Variants in PTGS1 observed in about 807,000 individuals in gnomAD.
The protein encoded by PTGS1 is prostaglandin G/H synthase 1.
Under a neutral mutation model 63.0 loss-of-function variants are expected in PTGS1, and 40 were observed. The ratio of observed to expected loss-of-function variants is 0.63; its 90% CI spans 0.49 to 0.83. The LOEUF is 0.83. Ranked by LOEUF, PTGS1 falls within the 40% of genes least tolerant of loss-of-function variation. The pLI, the probability that PTGS1 is intolerant of heterozygous loss-of-function variation, is 0.00. For missense variants in PTGS1, 709 were observed against 786.5 expected (o/e 0.90, Z 1.18); for synonymous variants, 298 against 301.9 (o/e 0.99, Z 0.13).
chr9:122,382,496 T>C (rs755293266), intron 7 of PTGS1, among the ~76,000 whole-genome samples: 5 of 152,254 alleles, frequency 3.3e-5, no homozygotes, highest in Non-Finnish European at 7.3e-5. Context: ...ATGTCCGACT[T>C]GTTCCACGCA....
Position 122,381,766 on chromosome 9 carries a change from G to A in PTGS1, c.762+19G>A. On this transcript the variant is annotated intron_variant, in intron 7 of 10. Transcript: ENST00000362012. The stretch of plus-strand genomic sequence containing the variant: ...GTACCAGGTAGTGCTGGGCCAGGGG[G>A]TAGGGCAGAGGGAGGGGTCTCCCAT... 2 of 1,605,504 alleles carry A rather than the reference G, an allele frequency of 1.2e-6. No individual in the cohort carries two copies. Among genetic ancestry groups the A allele is most frequent in the South Asian group, 2.2e-5 (2 of 90,590 alleles).
intron 5 of PTGS1, 76 bp from the exon 6 acceptor site, chr9:122,381,295 C>T (rs1348974745): frequency 1.4e-5 from 21 of 1,490,142 alleles, no homozygotes; most frequent in Non-Finnish European, 1.8e-5. Flanking sequence ...GCCAGTTTGC[C>T]TGGTGAGCCC....
intron 9 of PTGS1, among the ~76,000 whole-genome samples, chr9:122,387,368 G>A (rs1837935194): frequency 6.6e-6 from 1 of 152,134 alleles, no homozygotes; most frequent in Admixed American, 6.6e-5. Flanking sequence ...CCCGCCTATG[G>A]TGTTTATTAA....
At chr9:122,380,730 A>G (rs1350178630) in intron 5 of PTGS1, among the ~76,000 whole-genome samples, 1 of 152,204 alleles carries the variant, frequency 6.6e-6, no homozygotes, top group African/African-American at 2.4e-5. Flanking sequence ...TTGCTGACCT[A>G]TGATTTAAAA....
In PTGS1 at chr9:122,371,292, C is replaced by A; in HGVS notation, c.94+20C>A. The A allele has an allele frequency of 6.2e-7, 1 of 1,601,860 alleles. No homozygotes were observed. Among genetic ancestry groups the A allele is most frequent in the Admixed American group, 1.7e-5 (1 of 60,010 alleles). On this transcript the variant is annotated intron_variant, in intron 2 of 10. Transcript: ENST00000362012. ...CGCCAGGTAGGCGGCCCCATCCCTC[C>A]CCAAGGGAATCCCCGGTCTTGCGCC...
chr9:122,376,734 G>A (rs1312321651), intron 2 of PTGS1, among the ~76,000 whole-genome samples: 1 of 152,180 alleles, frequency 6.6e-6, no homozygotes. Context: ...CCTGCCAGGC[G>A]CTAGGAGTTT....
At chr9:122,386,417 G>T in intron 8 of PTGS1, 29 bp from the exon 9 acceptor site, 1 of 1,609,422 alleles carries the variant, frequency 6.2e-7, no homozygotes, top group South Asian at 1.1e-5. Flanking sequence ...GTGCTTGGCT[G>T]ACCCTATTTC....
intron 5 of PTGS1, among the ~76,000 whole-genome samples, chr9:122,380,545 G>A (rs190533159): frequency 4.3e-4 from 65 of 152,032 alleles, no homozygotes; most frequent in Admixed American, 7.9e-4. Context: ...GCCAAATTCG[G>A]CCCACCTCTC....
intron 8 of PTGS1, among the ~76,000 whole-genome samples, 176 bp from the exon 9 acceptor site, chr9:122,386,270 T>G (rs1251520021): frequency 6.6e-6 from 1 of 152,008 alleles, no homozygotes; most frequent in Non-Finnish European, 1.5e-5. Flanking sequence ...ACCATTGCGC[T>G]CCAGCTTGGG....
Position 122,371,189 on chromosome 9 carries a change from G to A in PTGS1, c.11G>A (p.Ser4Asn), listed in dbSNP as rs759503469. The change falls in exon 2 of 11, where the codon AGT (serine) becomes AAT (asparagine). Residue 4 changes from serine to asparagine, a missense_variant. Coordinates refer to ENST00000362012, the MANE Select transcript of PTGS1 (RefSeq NM_000962.4). The stretch of plus-strand genomic sequence containing the variant: ...CCCTCATCTCTCTCCTCTGCAGGGA[G>A]TCTCTTGCTCTGGTTCTTGCTGTTC... MSR[S>N]LLLWFLLFLL... 2 of 1,609,122 alleles carry A rather than the reference G, an allele frequency of 1.2e-6. No homozygotes were observed. Among genetic ancestry groups the A allele is most frequent in the African/African-American group, 1.3e-5 (1 of 74,946 alleles).
At chr9:122,378,617 C>T in intron 4 of PTGS1, 44 bp downstream of exon 4, 1 of 1,613,068 alleles carries the variant, frequency 6.2e-7, no homozygotes, top group Non-Finnish European at 8.5e-7. Flanking sequence ...AGCAAGCAAG[C>T]CTGCTAGTCC....
At chr9:122,375,030 G>C (rs1483177551) in intron 2 of PTGS1, among the ~76,000 whole-genome samples, 1 of 152,148 alleles carries the variant, frequency 6.6e-6, no homozygotes, top group Non-Finnish European at 1.5e-5. Context: ...GGACTTGGTC[G>C]GCTGGAGCCC....
At chr9:122,379,648 G>A (rs1242268533) in intron 5 of PTGS1, among the ~76,000 whole-genome samples, 1 of 152,196 alleles carries the variant, frequency 6.6e-6, no homozygotes, top group Admixed American at 6.5e-5. Flanking sequence ...CATATGGTTA[G>A]CTGCTTTTCC....
upstream of PTGS1, chr9:122,370,715 G>T: frequency 2.1e-6 from 1 of 479,828 alleles, no homozygotes; most frequent in Non-Finnish European, 3.7e-6. Flanking sequence ...TGCGGGGCAG[G>T]GTATGTGGTT....
At chr9:122,382,846 GTGTT>G (rs1186842781) in intron 7 of PTGS1, among the ~76,000 whole-genome samples, 9 of 152,364 alleles carry the variant, frequency 5.9e-5, no homozygotes, top group Admixed American at 5.9e-4. Context: ...TGCCACTAGA[GTGTT>G]TGGATGATGG....
Position 122,371,040 on chromosome 9 carries a change from G to A in PTGS1, c.-45G>A, listed in dbSNP as rs777103314. On this transcript the variant is annotated 5_prime_UTR_variant, in exon 1 of 11. Transcript: ENST00000362012. Reference sequence around the variant, plus strand: ...GCTCCGGGCAGTGTGCGAGGCGCACGCACAGGAGCCTGCACTCTGCGTCCC... The same window carrying A: ...GCTCCGGGCAGTGTGCGAGGCGCACACACAGGAGCCTGCACTCTGCGTCCC... 5.1e-6 allele frequency: 8 copies of A among 1,569,862 alleles called. No individual in the cohort carries two copies. In the African/African-American group the frequency reaches 6.7e-5, roughly 13 times the overall value.
At chr9:122,391,400 TATATATATACATATATATATATATATAC>T (rs1564147563) in intron 10 of PTGS1, among the ~76,000 whole-genome samples, 11 of 71,410 alleles carry the variant, frequency 1.5e-4, no homozygotes, top group Admixed American at 1.0e-3. Flanking sequence ...TATATATACA[TATATATATACATATATATATATATATAC>T]ATATATATAT....
chr9:122,373,505 G>T (rs754305265), intron 2 of PTGS1, among the ~76,000 whole-genome samples: 29 of 152,302 alleles, frequency 1.9e-4, no homozygotes, highest in Middle Eastern at 3.4e-3. Flanking sequence ...TGGAGGCAAG[G>T]CTGTGCCGGG....
At chr9:122,372,088 G>A (rs187846372) in intron 2 of PTGS1, among the ~76,000 whole-genome samples, 18 of 152,194 alleles carry the variant, frequency 1.2e-4, no homozygotes, top group Non-Finnish European at 1.8e-4. Flanking sequence ...CCCCCAGCTC[G>A]CTGCTTGTGT....
Sources: gnomAD v4.1 joint callset for allele counts (sites outside exome capture counted in the v4.1 genomes callset) on GRCh38, gnomAD v4.1.1 for gene constraint, MANE v1.5 for transcripts, NCBI Gene and HGNC (gene_info 2026-07-23, HGNC 2026-07-21) for gene names.